Variants in EXOC1 observed in about 807,000 individuals in gnomAD.
EXOC1 encodes the protein exocyst complex component 1, also known as SEC3-like 1.
Under a neutral mutation model 107.7 loss-of-function variants are expected in EXOC1, and 67 were observed. The ratio of observed to expected loss-of-function variants is 0.62; its 90% CI spans 0.51 to 0.76. The LOEUF (loss-of-function observed/expected upper bound fraction) is 0.76. EXOC1 is among the 30% of genes least tolerant of loss of function. EXOC1 has a pLI of 0.00. For synonymous variants in EXOC1, 348 were observed against 353.5 expected (o/e 0.98, Z 0.17); for missense variants, 833 against 1,055.7 (o/e 0.79, Z 2.92).
At chr4:55,902,087 A>G (rs764535503) in intron 17 of EXOC1, 1 of 240,898 alleles carries the variant, frequency 4.2e-6, no homozygotes, top group African/African-American at 2.2e-5. Context: ...TTAGGAAAAA[A>G]CAATATTAAA....
intron 15 of EXOC1, among the ~76,000 whole-genome samples, chr4:55,895,547 T>A (rs1250548039): frequency 2.0e-5 from 3 of 151,112 alleles, no homozygotes; most frequent in Non-Finnish European, 4.4e-5. Context: ...AGCCTAGAGA[T>A]AATTATTTTT....
chr4:55,890,399 A>G lies in EXOC1; in HGVS notation c.1539+13A>G, dbSNP rs749326456. 3 of 1,611,708 alleles carry G rather than the reference A, an allele frequency of 1.9e-6. No individual in the cohort carries two copies. Among genetic ancestry groups the G allele is most frequent in the East Asian group, 2.2e-5 (1 of 44,800 alleles). On this transcript the variant is annotated intron_variant, in intron 12 of 18. Transcript: ENST00000381295. ...CAAATTTGATAAGGTAAACTAAAAT[A>G]ACAAGTACTTCTTAAACATTAACAT...
chr4:55,864,351 T>C lies in EXOC1; in HGVS notation c.380T>C (p.Ile127Thr), dbSNP rs1721761917. ...AATCAGCGATATCTCCGGAAGAAAA[T>C]TGATTTTGTCAATGTTAGCTCACAG... ...KLNQRYLRKK[I>T]DFVNVSSQLL... Residue 127 changes from isoleucine (I) to threonine (T), a missense_variant, in exon 4 of 19, where the codon ATT (isoleucine) becomes ACT (threonine). Transcript: ENST00000381295. The C allele has an allele frequency of 2.5e-6, 4 of 1,610,016 alleles. No individual in the cohort carries two copies. Among genetic ancestry groups the C allele is most frequent in the East Asian group, 2.2e-5 (1 of 44,646 alleles).
At chr4:55,892,530 T>C in intron 13 of EXOC1, 105 bp from the exon 14 acceptor site, 2 of 828,106 alleles carry the variant, frequency 2.4e-6, no homozygotes, top group Non-Finnish European at 4.0e-6. Context: ...TTTTTCATAA[T>C]GTATTCTTTC....
chr4:55,902,280 T>G, intron 17 of EXOC1, 64 bp from the exon 18 acceptor site: 1 of 1,261,396 alleles, frequency 7.9e-7, no homozygotes, highest in Non-Finnish European at 1.0e-6. Context: ...TGTAATCAGA[T>G]TTTTTTAATG....
chr4:55,891,276 G>A, intron 12 of EXOC1, 39 bp from the exon 13 acceptor site: 1 of 1,241,516 alleles, frequency 8.1e-7, no homozygotes, highest in South Asian at 1.2e-5. Flanking sequence ...AGCATTTGGT[G>A]CAGTTCTTTC....
intron 18 of EXOC1, among the ~76,000 whole-genome samples, chr4:55,903,162 A>G (rs1241574139): frequency 1.2e-5 from 1 of 85,244 alleles, no homozygotes; most frequent in East Asian, 2.8e-4. Context: ...AAAAAAAAAA[A>G]AAGAAAGAAA....
chr4:55,875,443 AC>A (rs1722808582), intron 8 of EXOC1: 1 of 982,742 alleles, frequency 1.0e-6, no homozygotes, highest in South Asian at 4.7e-5. Flanking sequence ...TCAAATTTTG[AC>A]CCCAATGTAT....
rs983382685 is a variant in EXOC1 at position 55,893,221 on chromosome 4, G to A, written c.1725-331G>A. On this transcript the variant is annotated intron_variant, in intron 14 of 18. Transcript: ENST00000381295. ...ACTGCACTTCACCTCCCGGGTTCAA[G>A]CGATTCTCCTGACTCAGCCTCCCAA... 2.0e-5 allele frequency among the ~76,000 whole-genome samples: 3 copies of A among 152,268 alleles called. No homozygotes were observed. In the South Asian group the frequency reaches 6.2e-4, roughly 32 times the overall value.
chr4:55,898,998 T>C (rs1196549742), intron 16 of EXOC1, among the ~76,000 whole-genome samples: 2 of 152,186 alleles, frequency 1.3e-5, no homozygotes, highest in Non-Finnish European at 2.9e-5. Flanking sequence ...AAAGCTTATG[T>C]CAGTTTAGTG....
At chr4:55,857,770 A>G (rs1296001499) in intron 1 of EXOC1, among the ~76,000 whole-genome samples, 3 of 152,172 alleles carry the variant, frequency 2.0e-5, no homozygotes, top group Non-Finnish European at 4.4e-5. Context: ...GTTTCCTCTC[A>G]TCTTCACCAA....
intron 9 of EXOC1, among the ~76,000 whole-genome samples, chr4:55,881,208 G>A (rs1015505162): frequency 7.2e-5 from 11 of 151,996 alleles, no homozygotes; most frequent in African/African-American, 1.9e-4. Flanking sequence ...CCCTCCTCCC[G>A]GGACTGCTAC....
intron 2 of EXOC1, among the ~76,000 whole-genome samples, chr4:55,859,265 G>A (rs1010906777): frequency 1.3e-5 from 2 of 151,984 alleles, no homozygotes; most frequent in Admixed American, 1.3e-4. Flanking sequence ...CCATGAACAT[G>A]GTACAGTTCT....
intron 1 of EXOC1, among the ~76,000 whole-genome samples, chr4:55,857,906 A>G (rs933401353): frequency 6.6e-6 from 1 of 152,198 alleles, no homozygotes; most frequent in Non-Finnish European, 1.5e-5. Context: ...GATGTTAAGC[A>G]TGTTTTCATA....
At chr4:55,874,522 G>A (rs548500987) in intron 8 of EXOC1, among the ~76,000 whole-genome samples, 1 of 152,034 alleles carries the variant, frequency 6.6e-6, no homozygotes, top group South Asian at 2.1e-4. Context: ...TTTTCTTATT[G>A]CTATAGGCCA....
chr4:55,879,145 C>T (rs776847370), intron 9 of EXOC1, among the ~76,000 whole-genome samples: 5 of 152,120 alleles, frequency 3.3e-5, no homozygotes, highest in African/African-American at 4.8e-5. Context: ...GAATTGAGCA[C>T]CTATTACGTG....
At chr4:55,876,620 G>C in intron 8 of EXOC1, 2 of 985,302 alleles carry the variant, frequency 2.0e-6, no homozygotes, top group Non-Finnish European at 2.4e-6. Context: ...ATCTGTGGTA[G>C]CTGTGAACTT....
At chr4:55,856,487 G>A (rs998613809) in intron 1 of EXOC1, among the ~76,000 whole-genome samples, 2 of 152,216 alleles carry the variant, frequency 1.3e-5, no homozygotes, top group African/African-American at 4.8e-5. Context: ...AGCAGAGATA[G>A]AAGTTTTACA....
intron 10 of EXOC1, among the ~76,000 whole-genome samples, chr4:55,887,481 T>C (rs2109440867): frequency 6.6e-6 from 1 of 152,234 alleles, no homozygotes; most frequent in South Asian, 2.1e-4. Context: ...TATAAAGATA[T>C]TTAACATTTT....
Sources: gnomAD v4.1 joint callset for allele counts (sites outside exome capture counted in the v4.1 genomes callset) on GRCh38, gnomAD v4.1.1 for gene constraint, MANE v1.5 for transcripts, NCBI Gene and HGNC (gene_info 2026-07-23, HGNC 2026-07-21) for gene names.